RBM41: variants seen among roughly 807,000 people sequenced by gnomAD.
RBM41 encodes RNA binding motif protein 41.
RBM41 carries 14 observed loss-of-function variants against 30.8 expected under a neutral mutation model. The observed-to-expected ratio is 0.45, with a 90% confidence interval of 0.30 to 0.71. RBM41 has a LOEUF of 0.71. RBM41 is among the 30% of genes least tolerant of loss of function. The pLI, the probability that RBM41 is intolerant of heterozygous loss-of-function variation, is 0.08. For synonymous variants in RBM41, 120 were observed against 110.1 expected, an observed-to-expected ratio of 1.09 and a Z score of -0.56; for missense variants, 276 against 326.3, an observed-to-expected ratio of 0.85 and a Z score of 1.19.
At chrX:107,097,717 T>TA (rs1316430925) in intron 5 of RBM41, among the ~76,000 whole-genome samples, 7 of 111,459 alleles carry the variant, frequency 6.3e-5, no homozygotes, top group Non-Finnish European at 1.3e-4. Context: ...AGCTGTAAAA[T>TA]AAAAAAACTA....
chrX:107,078,269 G>C (rs1416567805), intron 6 of RBM41, among the ~76,000 whole-genome samples: 1 of 111,131 alleles, frequency 9.0e-6, no homozygotes, highest in African/African-American at 3.3e-5. Context: ...TTCTCTTCCT[G>C]TACTCTTTTG....
rs185728649 is a variant in RBM41, at chrX:107,111,082, C to A, written c.595+2315G>T. ...CTTCATCGAAATTAAACACTTTGTG[C>A]ATCAAAGGACAGAGTGAAAAGGCAA... On this transcript the variant is annotated intron_variant, in intron 5 of 7. Coordinates refer to ENST00000685964, the MANE Select transcript of RBM41 (RefSeq NM_001324242.2). Among the ~76,000 whole-genome samples the A allele has an allele frequency of 8.5e-4, 94 of 111,114 alleles. No individual in the cohort carries two copies. In the East Asian group the frequency reaches 9.6e-3, roughly 11 times the overall value.
chrX:107,118,638 T>C (rs1443514977), intron 1 of RBM41, 128 bp downstream of exon 1: 2 of 898,116 alleles, frequency 2.2e-6, no homozygotes, highest in African/African-American at 3.9e-5. Flanking sequence ...CTTTGTCGTG[T>C]TCCCGCTCCC....
the RBM41 span, among the ~76,000 whole-genome samples, chrX:107,054,965 T>C: frequency 1.8e-5 from 2 of 112,256 alleles, no homozygotes; most frequent in African/African-American, 3.2e-5. Context: ...ACTGCCAGCA[T>C]GCCAAAATGA....
chrX:107,067,748 T>C (rs188307943), intron 7 of RBM41, 55 bp from the exon 8 acceptor site: 2 of 1,109,592 alleles, frequency 1.8e-6, no homozygotes. Flanking sequence ...TTCAATTCTA[T>C]TCCAGGTTTA....
In RBM41 at chrX:107,062,897, A is replaced by G. The variant is rs1281440370; in HGVS notation, c.*4630T>C. Among the ~76,000 whole-genome samples the G allele has an allele frequency of 8.9e-6, 1 of 112,144 alleles. No homozygotes were observed. The highest frequency in any genetic ancestry group is 3.2e-5 in the African/African-American group (1 of 30,886). On this transcript the variant is annotated 3_prime_UTR_variant, in exon 8 of 8. Transcript: ENST00000685964. ...CATCTTGTTTATTAACTTAATACACAACCTTGGACATGAGTATAGGTCATA... is the reference window on the plus strand; with the variant it reads ...CATCTTGTTTATTAACTTAATACACGACCTTGGACATGAGTATAGGTCATA...
At chrX:107,095,271 G>C (rs1036361467) in intron 5 of RBM41, among the ~76,000 whole-genome samples, 1 of 110,958 alleles carries the variant, frequency 9.0e-6, no homozygotes, top group Non-Finnish European at 1.9e-5. Flanking sequence ...GAATAAAAGA[G>C]TTTAGTCACA....
chrX:107,114,205 C>A (rs757140144), intron 4 of RBM41: 1 of 111,464 alleles, frequency 9.0e-6, no homozygotes, highest in Admixed American at 9.5e-5. Context: ...TACCTCTCTC[C>A]AATTTCACTG....
intron 5 of RBM41, among the ~76,000 whole-genome samples, chrX:107,090,064 A>G (rs1008182183): frequency 8.9e-6 from 1 of 112,237 alleles, no homozygotes; most frequent in East Asian, 2.8e-4. Context: ...TATGAGAGTA[A>G]GAGTTGACAT....
intron 5 of RBM41, among the ~76,000 whole-genome samples, chrX:107,103,087 A>G (rs1264481095): frequency 9.0e-6 from 1 of 110,852 alleles, no homozygotes; most frequent in African/African-American, 3.3e-5. Context: ...TTTGGGACTC[A>G]GACTTGGTGC....
At chrX:107,097,555 TGAA>T (rs1188437335) in intron 5 of RBM41, among the ~76,000 whole-genome samples, 4 of 111,508 alleles carry the variant, frequency 3.6e-5, no homozygotes, top group African/African-American at 9.8e-5. Flanking sequence ...TGCCACCTTG[TGAA>T]GAAGGTGTCT....
At chrX:107,095,749 A>C (rs1922917344) in intron 5 of RBM41, among the ~76,000 whole-genome samples, 1 of 111,902 alleles carries the variant, frequency 8.9e-6, no homozygotes, top group South Asian at 3.8e-4. Flanking sequence ...GTGGTGGCTC[A>C]TACCTGTAAT....
At chrX:107,102,624 C>T (rs1397403072) in intron 5 of RBM41, among the ~76,000 whole-genome samples, 1 of 110,941 alleles carries the variant, frequency 9.0e-6, no homozygotes, top group African/African-American at 3.3e-5. Flanking sequence ...CCAGCAAAAA[C>T]CACCAGTGCC....
intron 5 of RBM41, among the ~76,000 whole-genome samples, chrX:107,103,073 G>A (rs1923600785): frequency 9.0e-6 from 1 of 110,745 alleles, no homozygotes; most frequent in African/African-American, 3.3e-5. Flanking sequence ...GTATTTAGAT[G>A]ATATTTGGGA....
intron 5 of RBM41, among the ~76,000 whole-genome samples, chrX:107,103,972 C>A (rs1923705780): frequency 9.0e-6 from 1 of 110,853 alleles, no homozygotes; most frequent in Non-Finnish European, 1.9e-5. Context: ...ATTCCCAATT[C>A]CATGTTCAGT....
At chrX:107,085,102 C>T (rs1921897184) in intron 6 of RBM41, among the ~76,000 whole-genome samples, 1 of 110,981 alleles carries the variant, frequency 9.0e-6, no homozygotes, top group South Asian at 3.8e-4. Flanking sequence ...AAGGGTTTCT[C>T]TAGGATAGAT....
Position 107,067,451 on chromosome X carries a change from G to A in RBM41, c.*76C>T, listed in dbSNP as rs1935882282. The A allele has an allele frequency of 5.4e-6, 6 of 1,110,338 alleles. No individual in the cohort carries two copies. In the East Asian group the frequency reaches 1.8e-4, roughly 34 times the overall value. The allele number at this position is 1,110,338 out of a possible 1,213,427, so 91.5% of individuals were successfully genotyped here. On this transcript the variant is annotated 3_prime_UTR_variant, in exon 8 of 8. Coordinates refer to ENST00000685964, the MANE Select transcript of RBM41 (RefSeq NM_001324242.2). ...TTTCCTCTTCAACTCCAAACAAACTGGTGTCTATACATAAATCCTAGATCC... is the reference window on the plus strand; with the variant it reads ...TTTCCTCTTCAACTCCAAACAAACTAGTGTCTATACATAAATCCTAGATCC...
At chrX:107,076,649 T>C (rs1357983652) in intron 6 of RBM41, among the ~76,000 whole-genome samples, 1 of 111,336 alleles carries the variant, frequency 9.0e-6, no homozygotes, top group Non-Finnish European at 1.9e-5. Flanking sequence ...TGTACAACAT[T>C]GTGCTTATTA....
intron 5 of RBM41, chrX:107,112,907 A>T: frequency 3.1e-6 from 1 of 325,107 alleles, no homozygotes; most frequent in South Asian, 2.7e-5. Context: ...GGACAGCATG[A>T]GGGAGTTTTT....
Sources: allele counts gnomAD v4.1 joint callset (sites outside exome capture counted in the v4.1 genomes callset), GRCh38; gene constraint gnomAD v4.1.1; transcripts MANE v1.5; gene names NCBI Gene and HGNC (gene_info 2026-07-23, HGNC 2026-07-21).